Variants in PDE8A observed in about 807,000 individuals in gnomAD.
PDE8A encodes the protein high affinity cAMP-specific and IBMX-insensitive 3',5'-cyclic phosphodiesterase 8A.
Under a neutral mutation model 105.0 loss-of-function variants are expected in PDE8A, and 59 were observed. The ratio of observed to expected loss-of-function variants is 0.56; its 90% CI spans 0.46 to 0.70. The LOEUF is 0.70. PDE8A is among the 30% of genes least tolerant of loss of function. The pLI is 0.00. For missense variants in PDE8A, 1,014 were observed against 1,045.9 expected (o/e 0.97, Z 0.42); for synonymous variants, 355 against 371.9 (o/e 0.95, Z 0.52).
intron 2 of PDE8A, among the ~76,000 whole-genome samples, chr15:85,066,308 C>T (rs2081224173): frequency 6.6e-6 from 1 of 152,008 alleles, no homozygotes; most frequent in Non-Finnish European, 1.5e-5. Flanking sequence ...CACCTGCAAT[C>T]CCAGCACTTT....
intron 12 of PDE8A, among the ~76,000 whole-genome samples, chr15:85,109,923 G>A (rs574599744): frequency 1.3e-5 from 2 of 152,300 alleles, no homozygotes; most frequent in Admixed American, 1.3e-4. Context: ...AAGCGGTATG[G>A]GGTTATGGGA....
At chr15:85,023,605 G>GT (rs35249102) in intron 1 of PDE8A, among the ~76,000 whole-genome samples, 84,607 of 148,234 alleles carry the variant, frequency 0.57, 23,624 homozygotes, top group Non-Finnish European at 0.6. Flanking sequence ...TTAGGTTCAA[G>GT]ATTGCTAGCA....
At chr15:85,085,318 T>C (rs1213007680) in intron 6 of PDE8A, among the ~76,000 whole-genome samples, 1 of 152,140 alleles carries the variant, frequency 6.6e-6, no homozygotes, top group Non-Finnish European at 1.5e-5. Context: ...TTGGGAGAAA[T>C]AGAGTCTTGT....
chr15:85,048,973 A>G (rs2599366), intron 1 of PDE8A, among the ~76,000 whole-genome samples: 117,677 of 152,094 alleles, frequency 0.77, 45,697 homozygotes, highest in African/African-American at 0.82. Context: ...GTGGTGGCTC[A>G]TGCCTGTAGT....
intron 1 of PDE8A, among the ~76,000 whole-genome samples, chr15:85,051,139 G>A (rs112659020): frequency 3.9e-5 from 6 of 152,248 alleles, no homozygotes; most frequent in African/African-American, 1.4e-4. Flanking sequence ...AATGCAGCTT[G>A]TTTGGTGTGT....
At chr15:84,981,527 G>A (rs908155891), upstream of PDE8A, among the ~76,000 whole-genome samples, 10 of 152,178 alleles carry the variant, frequency 6.6e-5, no homozygotes. Flanking sequence ...GCCGCTCCGA[G>A]GGGTTTCCCT....
chr15:85,080,091 AAG>A (rs1333864161), intron 5 of PDE8A, among the ~76,000 whole-genome samples: 1 of 152,210 alleles, frequency 6.6e-6, no homozygotes, highest in Non-Finnish European at 1.5e-5. Flanking sequence ...TGCAGACAAA[AAG>A]AACACAGATA....
intron 20 of PDE8A, among the ~76,000 whole-genome samples, chr15:85,130,145 G>A (rs189735954): frequency 2.6e-5 from 4 of 152,100 alleles, no homozygotes; most frequent in African/African-American, 9.7e-5. Context: ...AGGAGAGCAG[G>A]GGGAATTGCC....
At chr15:85,010,542 A>G (rs2080222438) in intron 1 of PDE8A, among the ~76,000 whole-genome samples, 1 of 152,140 alleles carries the variant, frequency 6.6e-6, no homozygotes, top group South Asian at 2.1e-4. Context: ...AGGAGTTCAC[A>G]TGTCTGTATG....
At chr15:85,132,049 AG>A (rs2082337306) in intron 20 of PDE8A, among the ~76,000 whole-genome samples, 2 of 152,146 alleles carry the variant, frequency 1.3e-5, no homozygotes, top group African/African-American at 4.8e-5. Context: ...AGTGTGTCTC[AG>A]ATAGATCTCT....
chr15:85,060,208 A>G (rs1305322684), intron 1 of PDE8A, among the ~76,000 whole-genome samples: 2 of 151,884 alleles, frequency 1.3e-5, no homozygotes, highest in Non-Finnish European at 1.5e-5. Context: ...TACTTTCTTT[A>G]TGGTTAGCAT....
intron 11 of PDE8A, among the ~76,000 whole-genome samples, chr15:85,104,507 G>T (rs1239246446): frequency 6.6e-6 from 1 of 152,006 alleles, no homozygotes; most frequent in Admixed American, 6.5e-5. Context: ...TGAAGACAAA[G>T]TAACTCCTGA....
At chr15:85,099,715 C>G (rs1027001446) in intron 9 of PDE8A, 5 of 369,148 alleles carry the variant, frequency 1.4e-5, no homozygotes, top group Non-Finnish European at 4.9e-6. Context: ...TGTTAAGGAA[C>G]TAAAGGCTCT....
chr15:85,130,914 C>G (rs1328089882), intron 20 of PDE8A, among the ~76,000 whole-genome samples: 1 of 152,122 alleles, frequency 6.6e-6, no homozygotes, highest in Non-Finnish European at 1.5e-5. Flanking sequence ...CACGTACCAC[C>G]ATGCCTGGCT....
At chr15:85,082,841 G>A (rs1567272269) in intron 5 of PDE8A, among the ~76,000 whole-genome samples, 2 of 152,232 alleles carry the variant, frequency 1.3e-5, no homozygotes, top group African/African-American at 2.4e-5. Context: ...TGTCTTTATG[G>A]AGTATTTAAT....
chr15:85,001,011 A>G (rs961349435), intron 1 of PDE8A, among the ~76,000 whole-genome samples: 2 of 152,110 alleles, frequency 1.3e-5, no homozygotes, highest in Non-Finnish European at 2.9e-5. Context: ...TGCAGATACC[A>G]TTGTTCTGTT....
At chr15:85,101,812 A>G (rs2081866861) in intron 11 of PDE8A, among the ~76,000 whole-genome samples, 1 of 152,144 alleles carries the variant, frequency 6.6e-6, no homozygotes, top group African/African-American at 2.4e-5. Flanking sequence ...AAGTCCTTGA[A>G]AAGGTTGTTT....
intron 20 of PDE8A, among the ~76,000 whole-genome samples, chr15:85,132,964 T>C (rs2082350360): frequency 6.6e-6 from 1 of 152,204 alleles, no homozygotes; most frequent in African/African-American, 2.4e-5. Flanking sequence ...GTGTACCATA[T>C]TTTCTAGTTT....
chr15:85,049,014 A>T (rs1294996204), intron 1 of PDE8A, among the ~76,000 whole-genome samples: 1 of 152,184 alleles, frequency 6.6e-6, no homozygotes, highest in Admixed American at 6.5e-5. Context: ...AGGCAGGAGA[A>T]TTGCTTGAAT....
Sources: gnomAD v4.1 joint callset for allele counts (sites outside exome capture counted in the v4.1 genomes callset) on GRCh38, gnomAD v4.1.1 for gene constraint, MANE v1.5 for transcripts, NCBI Gene and HGNC (gene_info 2026-07-23, HGNC 2026-07-21) for gene names.